CLIP4: variants seen among roughly 807,000 people sequenced by gnomAD.
CLIP4 encodes the protein CAP-Gly domain containing linker protein family member 4.
A neutral mutation model predicts 73.1 loss-of-function variants in CLIP4; 47 were observed. The observed-to-expected ratio is 0.64, with a 90% CI of 0.51 to 0.82. The LOEUF (loss-of-function observed/expected upper bound fraction) is 0.82. Among genes scored for constraint, CLIP4 ranks in the 40% least tolerant of loss-of-function variants. The probability of loss-of-function intolerance (pLI) is 0.00; values close to 1 mark genes in which losing one functional copy is unlikely to be tolerated. For synonymous variants in CLIP4, 306 were observed against 295.4 expected (o/e 1.04, Z -0.37); for missense variants, 874 against 852.9 (o/e 1.02, Z -0.31).
chr2:29,149,456 C>T (rs558536721), intron 8 of CLIP4, among the ~76,000 whole-genome samples: 2 of 144,730 alleles, frequency 1.4e-5, no homozygotes, highest in African/African-American at 2.5e-5. Context: ...TATTCCTTAC[C>T]GATATTTTAG....
chr2:29,178,210 C>G (rs1424826586), intron 15 of CLIP4, among the ~76,000 whole-genome samples: 2 of 147,298 alleles, frequency 1.4e-5, no homozygotes, highest in Admixed American at 6.8e-5. Context: ...GACAGAGTTT[C>G]GCTCTTGTTG....
At chr2:29,124,227 T>A (rs556133002) in intron 2 of CLIP4, among the ~76,000 whole-genome samples, 7 of 152,268 alleles carry the variant, frequency 4.6e-5, no homozygotes, top group African/African-American at 1.7e-4. Context: ...GAAAACATCT[T>A]TATTTACCTT....
At chr2:29,137,266 T>C (rs2147970274) in intron 6 of CLIP4, among the ~76,000 whole-genome samples, 1 of 152,304 alleles carries the variant, frequency 6.6e-6, no homozygotes, top group African/African-American at 2.4e-5. Flanking sequence ...CACTAATAAG[T>C]GAGAACATGC....
At chr2:29,112,820 T>A (rs1351743187), upstream of CLIP4, among the ~76,000 whole-genome samples, 1 of 152,258 alleles carries the variant, frequency 6.6e-6, no homozygotes, top group Non-Finnish European at 1.5e-5. Flanking sequence ...AGGCCCCCTA[T>A]ACACTCACAA....
intron 1 of CLIP4, among the ~76,000 whole-genome samples, chr2:29,109,545 CATATA>C (rs565026538): frequency 1.3e-5 from 2 of 152,040 alleles, no homozygotes; most frequent in African/African-American, 4.8e-5. Context: ...TATTTGAAAC[CATATA>C]ATATATTATT....
intron 7 of CLIP4, 68 bp from the exon 8 acceptor site, chr2:29,145,164 T>C: frequency 7.2e-7 from 1 of 1,384,084 alleles, no homozygotes; most frequent in South Asian, 1.4e-5. Context: ...TGAAGTAAAG[T>C]TGCAAGAGTA....
In CLIP4 at chr2:29,145,363, G is replaced by T. The variant is rs200946102; in HGVS notation, c.1017G>T (p.Lys339Asn). 49 of 1,604,716 alleles carry T rather than the reference G, an allele frequency of 3.1e-5. No homozygotes were observed. The highest frequency in any genetic ancestry group is 4.0e-5 in the Non-Finnish European group (47 of 1,173,332). ...TCCAGTACTTTAAATGTGCCCCCAA[G>T]TATGGTAAGGTTGATATTATTTAAC... is the stretch of plus-strand genomic sequence containing the variant. ...GKVQYFKCAP[K>N]YGIFAPLSKI... The change falls in exon 8 of 16, where the codon AAG becomes AAT. Residue 339 changes from lysine to asparagine, a missense_variant. Transcript: ENST00000320081.
intron 11 of CLIP4, 114 bp from the exon 12 acceptor site, chr2:29,160,219 C>T (rs1667198195): frequency 1.6e-6 from 2 of 1,270,670 alleles, no homozygotes; most frequent in African/African-American, 2.9e-5. Flanking sequence ...ACTAACTAGA[C>T]TAGTTAGAAT....
rs757248563 is a variant in CLIP4 at position 29,135,584 on chromosome 2, C to T, written c.566C>T (p.Thr189Ile). The change falls in exon 6 of 16, where the codon ACA becomes ATA. Residue 189 changes from threonine (T) to isoleucine (I), a missense_variant. Thr to Ile is a moderately conservative substitution (Grantham distance 89). Coordinates refer to ENST00000320081, the MANE Select transcript of CLIP4 (RefSeq NM_024692.6). ...ACTTGCAGTGATTTTAATTTTGGAA[C>T]AGCTTTGCATATTGCAGCATACAAC... The part of the protein sequence containing the change: ...DATCSDFNFG[T>I]ALHIAAYNLC... 3.1e-6 allele frequency: 5 copies of T among 1,608,092 alleles called. No homozygotes were observed. The Admixed American group carries it at 6.8e-5, about 22-fold the overall frequency.
intron 14 of CLIP4, among the ~76,000 whole-genome samples, chr2:29,171,471 A>G (rs1315655615): frequency 6.7e-6 from 1 of 148,664 alleles, no homozygotes; most frequent in Non-Finnish European, 1.5e-5. Context: ...TAACCTTTCT[A>G]TGTTCTTATG....
intron 2 of CLIP4, among the ~76,000 whole-genome samples, chr2:29,121,854 G>T (rs140633076): frequency 5.3e-5 from 8 of 152,170 alleles, no homozygotes; most frequent in African/African-American, 1.4e-4. Context: ...ATACTGACTT[G>T]CTAAAAAAGC....
At chr2:29,141,750 CT>C (rs934051046) in intron 6 of CLIP4, among the ~76,000 whole-genome samples, 1 of 150,914 alleles carries the variant, frequency 6.6e-6, no homozygotes, top group Admixed American at 6.6e-5. Flanking sequence ...GACAAGTCTT[CT>C]TTTTTTTTAA....
chr2:29,160,329 A>G lies in CLIP4; in HGVS notation c.1400-4A>G, dbSNP rs1484309866. 6 of 1,613,916 alleles carry G rather than the reference A, an allele frequency of 3.7e-6. No homozygotes were observed. The highest frequency in any genetic ancestry group is 1.3e-5 in the African/African-American group (1 of 74,984). On this transcript the variant is annotated splice_polypyrimidine_tract_variant and splice_region_variant and intron_variant, in intron 11 of 15. Transcript: ENST00000320081. ...GCCCCTGTATCCCTCCCTGACTTAA[A>G]CAGGTTTGAATTCCTCAGCAACATC...
At chr2:29,170,933 C>T (rs1280266868) in intron 14 of CLIP4, among the ~76,000 whole-genome samples, 1 of 151,994 alleles carries the variant, frequency 6.6e-6, no homozygotes, top group Non-Finnish European at 1.5e-5. Context: ...TTTCTGGGCT[C>T]TCCGTTCTGT....
rs191518106 is a variant in CLIP4 at position 29,162,142 on chromosome 2, A to G, written c.1534+1675A>G. Among the ~76,000 whole-genome samples, 506 of 152,282 alleles carry G rather than the reference A, an allele frequency of 3.3e-3. 2 individuals are homozygous for G. The highest frequency in any genetic ancestry group is 0.011 in the African/African-American group (455 of 41,544). On this transcript the variant is annotated intron_variant, in intron 12 of 15. Transcript: ENST00000320081. ...AGTTCCCTTTCTCTGATGTTATTAA[A>G]CCAAGATAGAATGGTTTGATTCTTT...
intron 14 of CLIP4, among the ~76,000 whole-genome samples, chr2:29,172,258 C>A (rs193125432): frequency 2.8e-4 from 43 of 152,114 alleles, no homozygotes; most frequent in Non-Finnish European, 4.4e-4. Flanking sequence ...TCTCATATTT[C>A]CCAGTGTCTT....
intron 9 of CLIP4, 151 bp downstream of exon 9, chr2:29,152,979 A>G: frequency 1.2e-6 from 1 of 829,648 alleles, no homozygotes; most frequent in Non-Finnish European, 1.9e-6. Context: ...TTAAACCTCA[A>G]TTTTAATGAC....
At chr2:29,172,128 G>A (rs147327472) in intron 14 of CLIP4, among the ~76,000 whole-genome samples, 2 of 149,872 alleles carry the variant, frequency 1.3e-5, no homozygotes, top group African/African-American at 2.5e-5. Context: ...AAAATCTAAA[G>A]TTAATGATTT....
intron 2 of CLIP4, chr2:29,130,484 GA>G: frequency 3.5e-6 from 1 of 286,666 alleles, no homozygotes. Context: ...TGCTGACCAA[GA>G]AATGAAGTTC....
Sources: allele counts gnomAD v4.1 joint callset (sites outside exome capture counted in the v4.1 genomes callset), GRCh38; gene constraint gnomAD v4.1.1; transcripts MANE v1.5; gene names NCBI Gene and HGNC (gene_info 2026-07-23, HGNC 2026-07-21).